The following ENPP3 variants were observed in gnomAD, a reference collection of about 807,000 sequenced individuals.
ENPP3 encodes the protein ectonucleotide pyrophosphatase/phosphodiesterase family member 3.
A neutral mutation model predicts 117.8 loss-of-function variants in ENPP3; 104 were observed. The ratio of observed to expected loss-of-function variants is 0.88; its 90% CI spans 0.75 to 1.04. The LOEUF (loss-of-function observed/expected upper bound fraction) is 1.04. Ranked by LOEUF, ENPP3 falls within the 50% of genes least tolerant of loss-of-function variation. ENPP3 has a pLI of 0.00. For missense variants in ENPP3, 1,026 were observed against 1,051.9 expected (o/e 0.98, Z 0.34); for synonymous variants, 380 against 349.9 (o/e 1.09, Z -0.96).
intron 14 of ENPP3, among the ~76,000 whole-genome samples, chr6:131,690,143 A>G (rs1293486417): frequency 2.0e-5 from 3 of 152,226 alleles, no homozygotes; most frequent in African/African-American, 7.2e-5. Flanking sequence ...ATTATTCCAT[A>G]AACTTAGTGG....
chr6:131,689,109 A>G (rs1045732391), intron 14 of ENPP3, among the ~76,000 whole-genome samples: 3 of 152,122 alleles, frequency 2.0e-5, no homozygotes, highest in Admixed American at 6.6e-5. Flanking sequence ...TCCATAACAG[A>G]AAAGTGCAAG....
intron 19 of ENPP3, 31 bp from the exon 20 acceptor site, chr6:131,726,015 A>G: frequency 1.3e-6 from 2 of 1,544,332 alleles, no homozygotes; most frequent in Non-Finnish European, 1.8e-6. Context: ...AATTTCATGA[A>G]CCTTTTTATT....
intron 17 of ENPP3, 43 bp downstream of exon 17, chr6:131,720,422 T>A: frequency 2.0e-6 from 2 of 997,880 alleles, no homozygotes; most frequent in South Asian, 3.1e-5. Flanking sequence ...TATGGATAGT[T>A]TTAAATATAT....
At chr6:131,692,070 T>A (rs888765142) in intron 14 of ENPP3, among the ~76,000 whole-genome samples, 1 of 150,108 alleles carries the variant, frequency 6.7e-6, no homozygotes, top group Non-Finnish European at 1.5e-5. Flanking sequence ...GCTTCATAGT[T>A]TCTCTTATTT....
chr6:131,661,585 C>T (rs1438751537), intron 6 of ENPP3, among the ~76,000 whole-genome samples: 1 of 152,096 alleles, frequency 6.6e-6, no homozygotes, highest in Non-Finnish European at 1.5e-5. Flanking sequence ...CCACTGTGCC[C>T]AGCCTCATTT....
intron 6 of ENPP3, among the ~76,000 whole-genome samples, chr6:131,669,866 G>A (rs1033156633): frequency 2.0e-5 from 3 of 152,084 alleles, no homozygotes; most frequent in Admixed American, 1.3e-4. Flanking sequence ...CACTCATTGT[G>A]TTCAGCAGCA....
intron 3 of ENPP3, among the ~76,000 whole-genome samples, chr6:131,651,487 G>A (rs1474070056): frequency 2.0e-5 from 3 of 152,164 alleles, no homozygotes; most frequent in African/African-American, 7.2e-5. Flanking sequence ...CATCTTGTTT[G>A]TTTCATTTGC....
At chr6:131,683,700 G>A (rs996717317) in intron 12 of ENPP3, among the ~76,000 whole-genome samples, 3 of 150,714 alleles carry the variant, frequency 2.0e-5, no homozygotes, top group Admixed American at 6.6e-5. Context: ...GCCACCTCAC[G>A]CAAAATGCAT....
intron 6 of ENPP3, among the ~76,000 whole-genome samples, chr6:131,660,626 T>G (rs188978296): frequency 6.6e-6 from 1 of 152,306 alleles, no homozygotes; most frequent in African/African-American, 2.4e-5. Flanking sequence ...AGGGGACATA[T>G]GCAGAGTTTT....
At chr6:131,679,805 C>CA (rs767085796) in intron 11 of ENPP3, among the ~76,000 whole-genome samples, 1 of 152,148 alleles carries the variant, frequency 6.6e-6, no homozygotes, top group Non-Finnish European at 1.5e-5. Flanking sequence ...GATGGCTCAG[C>CA]AAGTAGACAG....
chr6:131,673,926 G>A (rs1484268244), intron 7 of ENPP3, among the ~76,000 whole-genome samples: 2 of 152,072 alleles, frequency 1.3e-5, no homozygotes, highest in African/African-American at 2.4e-5. Flanking sequence ...CCATTTACTA[G>A]CAGGGACTTA....
Position 131,652,879 on chromosome 6 carries a change from A to G in ENPP3, c.452A>G (p.Gln151Arg). The change falls in exon 5 of 25, where the codon CAG becomes CGG. Residue 151 changes from glutamine (Q) to arginine (R), a missense_variant. Physicochemically the swap from Gln to Arg is conservative, Grantham distance 43. Coordinates refer to ENST00000357639, the MANE Select transcript of ENPP3 (RefSeq NM_005021.5). Reference sequence around the variant, plus strand: ...AACTGTGACACAGCCCAGCAGTCTCAGTGCCCAGAAGGGTGAGCATGACTG... The same window carrying G: ...AACTGTGACACAGCCCAGCAGTCTCGGTGCCCAGAAGGGTGAGCATGACTG... ...EENCDTAQQS[Q>R]CPEGFDLPPV... 1.2e-6 allele frequency: 2 copies of G among 1,610,986 alleles called. No individual in the cohort carries two copies. The highest frequency in any genetic ancestry group is 1.7e-6 in the Non-Finnish European group (2 of 1,177,172).
chr6:131,652,734 C>A, intron 4 of ENPP3, 67 bp downstream of exon 4: 4 of 1,597,408 alleles, frequency 2.5e-6, no homozygotes, highest in Non-Finnish European at 3.4e-6. Flanking sequence ...TTTCCTAGAG[C>A]CATGCTAGGC....
chr6:131,664,806 C>T (rs532246237), intron 6 of ENPP3, among the ~76,000 whole-genome samples: 106 of 152,248 alleles, frequency 7.0e-4, no homozygotes, highest in African/African-American at 2.5e-3. Flanking sequence ...CCTAGGTGCA[C>T]AGTAGGCTTT....
chr6:131,652,295 C>A (rs1189933654), intron 3 of ENPP3, among the ~76,000 whole-genome samples: 1 of 152,178 alleles, frequency 6.6e-6, no homozygotes, highest in Non-Finnish European at 1.5e-5. Context: ...CAGATCTTCT[C>A]CAAGCTCACA....
At chr6:131,679,181 A>G (rs538395141) in intron 11 of ENPP3, among the ~76,000 whole-genome samples, 17 of 150,498 alleles carry the variant, frequency 1.1e-4, no homozygotes, top group Middle Eastern at 6.8e-3. Flanking sequence ...TGCAACCTCC[A>G]TGTCCCGGAT....
At chr6:131,660,759 T>C (rs1230265267) in intron 6 of ENPP3, among the ~76,000 whole-genome samples, 1 of 152,204 alleles carries the variant, frequency 6.6e-6, no homozygotes, top group Admixed American at 6.6e-5. Context: ...AGATCTATCC[T>C]CTTAACAGAT....
intron 12 of ENPP3, 31 bp downstream of exon 12, chr6:131,683,193 C>G (rs1380957494): frequency 8.7e-7 from 1 of 1,144,500 alleles, no homozygotes. Flanking sequence ...CTTATTTTAT[C>G]ATTGACTATA....
intron 15 of ENPP3, among the ~76,000 whole-genome samples, chr6:131,716,435 G>A (rs1476564570): frequency 6.6e-6 from 1 of 151,906 alleles, no homozygotes; most frequent in Non-Finnish European, 1.5e-5. Flanking sequence ...AGCTGGATTA[G>A]GAGATGGAAA....
Sources: gnomAD v4.1 joint callset for allele counts (sites outside exome capture counted in the v4.1 genomes callset) on GRCh38, gnomAD v4.1.1 for gene constraint, MANE v1.5 for transcripts, NCBI Gene and HGNC (gene_info 2026-07-23, HGNC 2026-07-21) for gene names.